The following PRKG1 variants were observed in gnomAD, a reference collection of about 807,000 sequenced individuals.
PRKG1 encodes the protein protein kinase cGMP-dependent 1, also known as cGMP-dependent protein kinase 1.
A neutral mutation model predicts 88.1 loss-of-function variants in PRKG1; 35 were observed. The observed-to-expected ratio is 0.40, with a 90% CI of 0.30 to 0.53. PRKG1 has a LOEUF of 0.53. PRKG1 is among the 20% of genes least tolerant of loss of function. The pLI, the probability that PRKG1 is intolerant of heterozygous loss-of-function variation, is 0.59. For missense variants in PRKG1, 540 were observed against 839.8 expected (o/e 0.64, Z 4.41); for synonymous variants, 303 against 292.5 (o/e 1.04, Z -0.37).
rs79945098 is a variant in PRKG1, at chr10:52,271,506, A to G, written c.1313+17A>G. ...CATAGTGAGGTAAAGGCTCCATGCCAGGGACAGACGTACCCAACTCCAAGT... is the reference window on the plus strand; with the variant it reads ...CATAGTGAGGTAAAGGCTCCATGCCGGGGACAGACGTACCCAACTCCAAGT... On this transcript the variant is annotated intron_variant, in intron 11 of 17. Coordinates refer to ENST00000373980, the MANE Select transcript of PRKG1 (RefSeq NM_006258.4). 1 of 1,609,686 alleles carries G rather than the reference A, an allele frequency of 6.2e-7. No individual in the cohort carries two copies.
intron 3 of PRKG1, among the ~76,000 whole-genome samples, chr10:51,501,454 A>G (rs1476563040): frequency 6.6e-6 from 1 of 152,148 alleles, no homozygotes; most frequent in Non-Finnish European, 1.5e-5. Flanking sequence ...AACCTGCTGG[A>G]TGGATTCCTG....
chr10:51,260,351 A>T (rs1209945816), intron 2 of PRKG1, among the ~76,000 whole-genome samples: 1 of 152,128 alleles, frequency 6.6e-6, no homozygotes, highest in East Asian at 1.9e-4. Context: ...ATTTTTATAT[A>T]CATTTTTTAT....
At position 51,234,660 on chromosome 10, in the gene PRKG1, G is replaced by C. The variant is rs1838935736; in HGVS notation, c.478+81330G>C. 2.0e-5 allele frequency among the ~76,000 whole-genome samples: 3 copies of C among 152,004 alleles called. No homozygotes were observed. In the South Asian group the frequency reaches 6.2e-4, roughly 32 times the overall value. On this transcript the variant is annotated intron_variant, in intron 2 of 17. Transcript: ENST00000373980. ...CTTTCAGCAACAAGAAAGTAAAGCAGTAGCAGGAAATCTAGAAAAAAAAAT... is the reference window on the plus strand; with the variant it reads ...CTTTCAGCAACAAGAAAGTAAAGCACTAGCAGGAAATCTAGAAAAAAAAAT...
intron 5 of PRKG1, among the ~76,000 whole-genome samples, chr10:51,947,044 T>C (rs186607491): frequency 2.6e-5 from 4 of 152,212 alleles, no homozygotes; most frequent in Admixed American, 2.0e-4. Context: ...TCTTTTTGTT[T>C]GTCTGTGCCC....
chr10:51,852,213 G>GTGTA (rs1554848714), intron 4 of PRKG1, among the ~76,000 whole-genome samples: 1 of 143,294 alleles, frequency 7.0e-6, no homozygotes, highest in African/African-American at 2.6e-5. Context: ...TTTTATATGT[G>GTGTA]TATATATATA....
At chr10:51,246,919 G>A (rs1309755464) in intron 2 of PRKG1, among the ~76,000 whole-genome samples, 1 of 151,986 alleles carries the variant, frequency 6.6e-6, no homozygotes, top group African/African-American at 2.4e-5. Context: ...TTAAACACTG[G>A]CAGCTAACAA....
intron 1 of PRKG1, among the ~76,000 whole-genome samples, chr10:51,091,812 A>C (rs1339073738): frequency 6.6e-6 from 1 of 152,110 alleles, no homozygotes; most frequent in Non-Finnish European, 1.5e-5. Flanking sequence ...ATCTTCATAA[A>C]AGTTCTGAAA....
chr10:51,615,178 G>A (rs543060276), intron 3 of PRKG1, among the ~76,000 whole-genome samples: 2 of 152,036 alleles, frequency 1.3e-5, no homozygotes, highest in African/African-American at 2.4e-5. Flanking sequence ...GGCCTATAAG[G>A]TTTCTGCTAA....
intron 2 of PRKG1, among the ~76,000 whole-genome samples, chr10:51,442,228 CTTAT>C (rs2132750288): frequency 6.6e-6 from 1 of 152,032 alleles, no homozygotes; most frequent in South Asian, 2.1e-4. Flanking sequence ...TGAAACAATT[CTTAT>C]TTAAGTGCTG....
chr10:51,169,291 C>T (rs1356224189), intron 2 of PRKG1, among the ~76,000 whole-genome samples: 4 of 152,040 alleles, frequency 2.6e-5, no homozygotes, highest in Non-Finnish European at 5.9e-5. Flanking sequence ...TATATGTAAA[C>T]CTACATTGTG....
chr10:52,195,699 G>T (rs1839486890), intron 9 of PRKG1, among the ~76,000 whole-genome samples: 1 of 151,994 alleles, frequency 6.6e-6, no homozygotes, highest in Non-Finnish European at 1.5e-5. Context: ...ACATTTTTAA[G>T]CCCATTCTTA....
intron 2 of PRKG1, among the ~76,000 whole-genome samples, chr10:51,353,805 C>T (rs951486180): frequency 6.6e-6 from 1 of 152,052 alleles, no homozygotes; most frequent in African/African-American, 2.4e-5. Flanking sequence ...GGTGTATACC[C>T]AAAAGAAAGG....
intron 3 of PRKG1, among the ~76,000 whole-genome samples, chr10:51,727,806 T>C (rs1650106036): frequency 6.6e-6 from 1 of 152,154 alleles, no homozygotes; most frequent in Non-Finnish European, 1.5e-5. Flanking sequence ...AAGGGAGTTA[T>C]TATATTTTAA....
intron 3 of PRKG1, among the ~76,000 whole-genome samples, chr10:51,777,652 G>A (rs889074240): frequency 5.9e-5 from 9 of 151,992 alleles, no homozygotes; most frequent in African/African-American, 2.2e-4. Flanking sequence ...TTACACTAGG[G>A]TTCACTCTTG....
chr10:51,627,834 C>T lies in PRKG1; in HGVS notation c.592+159998C>T, dbSNP rs537606492. On this transcript the variant is annotated intron_variant, in intron 3 of 17. Transcript: ENST00000373980. ...GGTAGCTGAAAGTCACAATCTTCCT[C>T]TCCTTTCCTTTCCTTTCCTTTCTCC... is the stretch of plus-strand genomic sequence containing the variant. Among the ~76,000 whole-genome samples, 57 of 141,606 alleles carry T rather than the reference C, an allele frequency of 4.0e-4. 2 individuals are homozygous for T. Among genetic ancestry groups the T allele is most frequent in the South Asian group, 3.3e-3 (14 of 4,188 alleles). 92.9% of individuals were successfully genotyped at this position (141,606 alleles called of 152,430 possible).
intron 2 of PRKG1, among the ~76,000 whole-genome samples, chr10:51,411,799 A>T (rs1442560929): frequency 6.6e-6 from 1 of 152,186 alleles, no homozygotes; most frequent in African/African-American, 2.4e-5. Flanking sequence ...ATTTATGGCA[A>T]TGCGTCAGTA....
At chr10:51,294,715 T>C (rs1160407151) in intron 2 of PRKG1, among the ~76,000 whole-genome samples, 1 of 152,182 alleles carries the variant, frequency 6.6e-6, no homozygotes, top group African/African-American at 2.4e-5. Flanking sequence ...TTGATTATTA[T>C]AGCTTTGTAA....
chr10:51,300,610 T>A (rs1326901209), intron 2 of PRKG1, among the ~76,000 whole-genome samples: 1 of 152,232 alleles, frequency 6.6e-6, no homozygotes, highest in Non-Finnish European at 1.5e-5. Flanking sequence ...GTAAGTTAAA[T>A]CTAAAAGCCA....
At chr10:51,785,529 C>G (rs537464295) in intron 3 of PRKG1, among the ~76,000 whole-genome samples, 1 of 152,204 alleles carries the variant, frequency 6.6e-6, no homozygotes, top group South Asian at 2.1e-4. Flanking sequence ...AACTTAATGT[C>G]TATCTATTAT....
Sources: allele counts gnomAD v4.1 joint callset (sites outside exome capture counted in the v4.1 genomes callset), GRCh38; gene constraint gnomAD v4.1.1; transcripts MANE v1.5; gene names NCBI Gene and HGNC (gene_info 2026-07-23, HGNC 2026-07-21).